The following TET3 variants were observed in gnomAD, a reference collection of about 807,000 sequenced individuals.
TET3 encodes methylcytosine dioxygenase TET3.
TET3 carries 19 observed loss-of-function variants against 141.4 expected under a neutral mutation model. That is an observed-to-expected ratio of 0.13 (90% confidence interval 0.09 to 0.20). TET3 has a LOEUF of 0.20. TET3 is among the 10% of genes least tolerant of loss of function. TET3 has a pLI of 1.00. For synonymous variants in TET3, 1,043 were observed against 980.9 expected (o/e 1.06, Z -1.18); for missense variants, 1,874 against 2,356.9 (o/e 0.80, Z 4.24).
intron 3 of TET3, among the ~76,000 whole-genome samples, chr2:74,019,647 A>C (rs1421546832): frequency 6.6e-6 from 1 of 152,238 alleles, no homozygotes; most frequent in African/African-American, 2.4e-5. Context: ...TGAGAGGGAC[A>C]GTGAGCTTCA....
At chr2:74,111,572 T>C (rs949784581), downstream of TET3, among the ~76,000 whole-genome samples, 1 of 152,176 alleles carries the variant, frequency 6.6e-6, no homozygotes, top group African/African-American at 2.4e-5. Context: ...CAGACTACCA[T>C]GTGTAAGCCT....
At chr2:74,025,795 T>C (rs1280503408) in intron 3 of TET3, among the ~76,000 whole-genome samples, 1 of 152,118 alleles carries the variant, frequency 6.6e-6, no homozygotes, top group African/African-American at 2.4e-5. Context: ...TCTCAGTTTT[T>C]CCTGATATTT....
chr2:73,996,349 G>A (rs965448188), intron 2 of TET3, among the ~76,000 whole-genome samples: 4 of 152,104 alleles, frequency 2.6e-5, no homozygotes, highest in Non-Finnish European at 5.9e-5. Context: ...CAACCTGGCT[G>A]GCTATTTCTG....
chr2:74,116,012 CAAAA>C, the TET3 span, among the ~76,000 whole-genome samples: 1 of 84,516 alleles, frequency 1.2e-5, no homozygotes. Flanking sequence ...GATCTGGTCT[CAAAA>C]AAAAAAAAAA....
the TET3 span, among the ~76,000 whole-genome samples, chr2:74,125,299 T>C: frequency 7.0e-6 from 1 of 143,030 alleles, no homozygotes; most frequent in East Asian, 2.3e-4. Flanking sequence ...GATTATTTTT[T>C]AATTGTGGCG....
At position 74,046,844 on chromosome 2, in the gene TET3, TCCTGG is replaced by T; in HGVS notation, c.928_932del (p.Pro310Ter). ...GGCCCAGGCTCCCAGGGCCTCTGCCTCCTGGTGAGGCCGGCCTCCCAGCACCAAGC... is the reference window on the plus strand; with the variant it reads ...GGCCCAGGCTCCCAGGGCCTCTGCCTTGAGGCCGGCCTCCCAGCACCAAGC... On this transcript the variant is annotated frameshift_variant, in exon 4 of 12. Coordinates refer to ENST00000409262, the MANE Select transcript of TET3 (RefSeq NM_001287491.2). LOFTEE classifies it high-confidence loss of function. The surrounding 1 kb of genome is among the most constrained non-coding windows in gnomAD (Gnocchi z 4.3). The T allele has an allele frequency of 6.2e-7, 1 of 1,613,378 alleles. No individual in the cohort carries two copies.
chr2:73,995,156 T>TA (rs1318206550), intron 2 of TET3, among the ~76,000 whole-genome samples: 1 of 150,822 alleles, frequency 6.6e-6, no homozygotes, highest in Non-Finnish European at 1.5e-5. Flanking sequence ...GACGGGGTTT[T>TA]ACCATGTTGG....
At chr2:74,124,656 G>A in the TET3 span, among the ~76,000 whole-genome samples, 4 of 152,274 alleles carry the variant, frequency 2.6e-5, no homozygotes, top group South Asian at 2.1e-4. Flanking sequence ...AACATGTGCT[G>A]TGTCCACTCA....
Position 73,986,225 on chromosome 2 carries a change from C to A in TET3, c.-179C>A. ...CCTACGGAGTCCGATCAGACTGCTGCAGAGGAGGTGAAGAGGGGTTGAGAA... is the reference window on the plus strand; with the variant it reads ...CCTACGGAGTCCGATCAGACTGCTGAAGAGGAGGTGAAGAGGGGTTGAGAA... On this transcript the variant is annotated 5_prime_UTR_variant, in exon 2 of 12. Coordinates refer to ENST00000409262, the MANE Select transcript of TET3 (RefSeq NM_001287491.2). 1 of 460,852 alleles carries A rather than the reference C, an allele frequency of 2.2e-6. No homozygotes were observed. 28.5% of individuals were successfully genotyped at this position (460,852 alleles called of 1,614,324 possible).
rs377309786 is a variant in TET3 at position 74,026,799 on chromosome 2, ACCCAGGGAAT to A, written c.361-19477_361-19468del. 6.9e-3 allele frequency among the ~76,000 whole-genome samples: 1,040 copies of A among 150,158 alleles called. 15 individuals carry two copies. Among genetic ancestry groups the A allele is most frequent in the African/African-American group, 0.025 (1,007 of 40,686 alleles). On this transcript the variant is annotated intron_variant, in intron 3 of 11. Coordinates refer to ENST00000409262, the MANE Select transcript of TET3 (RefSeq NM_001287491.2). ...CTGTTTTCTAGTTATCTGTGACTCT[ACCCAGGGAAT>A]CAGCTGGTTTTAAGTCAGTGGTTCT...
intron 3 of TET3, among the ~76,000 whole-genome samples, chr2:74,037,338 T>TTTATTGCTTG (rs2105319983): frequency 6.6e-6 from 1 of 152,352 alleles, no homozygotes; most frequent in African/African-American, 2.4e-5. Flanking sequence ...CCATTTGCTA[T>TTTATTGCTTG]TAGAGAGAGT....
chr2:74,027,504 C>T (rs939274097), intron 3 of TET3, among the ~76,000 whole-genome samples: 2 of 152,102 alleles, frequency 1.3e-5, no homozygotes, highest in African/African-American at 4.8e-5. Context: ...AACCCTGTGG[C>T]AAATAGCATT....
In TET3 at chr2:74,076,441, G is replaced by GTTTTTTTTTTTTTTTT. The variant is rs70965785; in HGVS notation, c.2585+2816_2585+2831dup. ...AACCTATTCAGGTTCATTCCTCTGG[G>GTTTTTTTTTTTTTTTT]TTTTTTTTTTTTTTTTTTTTTTTTT... On this transcript the variant is annotated intron_variant, in intron 5 of 11. Transcript: ENST00000409262. Among the ~76,000 whole-genome samples the GTTTTTTTTTTTTTTTT allele has an allele frequency of 8.8e-5, 5 of 56,586 alleles. 1 individual carries two copies. Among genetic ancestry groups the GTTTTTTTTTTTTTTTT allele is most frequent in the African/African-American group, 1.2e-4 (2 of 16,162 alleles). The allele number at this position is 56,586 out of a possible 152,430, so 37.1% of individuals were successfully genotyped here. A position where few individuals can be genotyped will look rare whatever the true frequency, so the allele number is the denominator to read the frequency against.
At position 74,084,455 on chromosome 2, in the gene TET3, C is replaced by CT. The variant is rs752192332; in HGVS notation, c.2680-3360dup. On this transcript the variant is annotated intron_variant, in intron 6 of 11. Transcript: ENST00000409262. ...CAGCCTGGTAAGACCATGTCTCTCT[C>CT]TTTTTTTTTTTTTTTGAGATGGAGT... Among the ~76,000 whole-genome samples the CT allele has an allele frequency of 8.0e-3, 1,142 of 142,644 alleles. 8 individuals are homozygous for CT. The highest frequency in any genetic ancestry group is 0.021 in the African/African-American group (838 of 39,274). 93.6% of individuals were successfully genotyped at this position (142,644 alleles called of 152,430 possible).
At chr2:74,002,347 G>A (rs2105139298) in intron 2 of TET3, among the ~76,000 whole-genome samples, 1 of 152,284 alleles carries the variant, frequency 6.6e-6, no homozygotes, top group South Asian at 2.1e-4. Flanking sequence ...GGGTTAGAGA[G>A]TGGCGAAGCG....
At chr2:74,099,027 T>C (rs1691009425) in intron 10 of TET3, among the ~76,000 whole-genome samples, 1 of 152,212 alleles carries the variant, frequency 6.6e-6, no homozygotes, top group Non-Finnish European at 1.5e-5. Flanking sequence ...TCTCATCTCC[T>C]CTCAGCCTTC....
At chr2:74,095,583 G>A (rs1690776248) in intron 10 of TET3, among the ~76,000 whole-genome samples, 1 of 152,262 alleles carries the variant, frequency 6.6e-6, no homozygotes, top group Non-Finnish European at 1.5e-5. Context: ...ACACCCAAAT[G>A]TGTATGTATG....
At chr2:73,993,234 G>T (rs1031127020) in intron 2 of TET3, 2 of 152,234 alleles carry the variant, frequency 1.3e-5, no homozygotes, top group Non-Finnish European at 2.9e-5. Context: ...GAGGTGATGG[G>T]CACCTACCTG....
intron 3 of TET3, among the ~76,000 whole-genome samples, chr2:74,013,348 T>C (rs1442994878): frequency 6.6e-6 from 1 of 152,142 alleles, no homozygotes; most frequent in Non-Finnish European, 1.5e-5. Context: ...CATAGGAGTT[T>C]TGCATCTATA....
Sources: allele counts gnomAD v4.1 joint callset (sites outside exome capture counted in the v4.1 genomes callset), GRCh38; gene constraint gnomAD v4.1.1; non-coding constraint Gnocchi (gnomAD v3.1); transcripts MANE v1.5; gene names NCBI Gene and HGNC (gene_info 2026-07-23, HGNC 2026-07-21).